Variants in ENAH observed in about 807,000 individuals in gnomAD.
The protein encoded by ENAH is ENAH actin regulator.
Under a neutral mutation model 78.7 loss-of-function variants are expected in ENAH, and 23 were observed. That is an observed-to-expected ratio of 0.29 (90% CI 0.21 to 0.41). ENAH has a LOEUF of 0.41. Ranked by LOEUF, ENAH falls within the 10% of genes least tolerant of loss-of-function variation. The probability of loss-of-function intolerance (pLI) is 1.00; values close to 1 mark genes in which losing one functional copy is unlikely to be tolerated. For synonymous variants in ENAH, 226 were observed against 241.0 expected (o/e 0.94, Z 0.58); for missense variants, 544 against 691.0 (o/e 0.79, Z 2.39).
intron 3 of ENAH, chr1:225,531,089 A>G (rs1004001162): frequency 5.0e-6 from 2 of 398,778 alleles, no homozygotes; most frequent in Admixed American, 8.8e-5. Flanking sequence ...GAGAGAGAGC[A>G]TGAGAACCTT....
At chr1:225,555,963 A>G (rs184179068) in intron 2 of ENAH, among the ~76,000 whole-genome samples, 109 of 152,322 alleles carry the variant, frequency 7.2e-4, no homozygotes, top group African/African-American at 2.5e-3. Flanking sequence ...TTTTATATAA[A>G]TGGAGTTATA....
Position 225,513,022 on chromosome 1 carries a change from T to C in ENAH, c.1219-6A>G. On this transcript the variant is annotated splice_region_variant and splice_polypyrimidine_tract_variant and intron_variant, in intron 7 of 13. Transcript: ENST00000366843. ...GGGAAAGAGGTATCCTCCATCTTAA[T>C]GAGAATATACAGACATAATCAACTC... 1 of 1,610,764 alleles carries C rather than the reference T, an allele frequency of 6.2e-7. No individual in the cohort carries two copies. The highest frequency in any genetic ancestry group is 8.5e-7 in the Non-Finnish European group (1 of 1,178,688).
Position 225,526,082 on chromosome 1 carries a change from C to T in ENAH, c.434+4472G>A, listed in dbSNP as rs146035776. Among the ~76,000 whole-genome samples the T allele has an allele frequency of 3.4e-3, 522 of 152,220 alleles. 2 individuals are homozygous for T. Among genetic ancestry groups the T allele is most frequent in the Middle Eastern group, 6.8e-3 (2 of 294 alleles). On this transcript the variant is annotated intron_variant, in intron 4 of 13. Transcript: ENST00000366843. ...GATGGCCCTTCCCAGAAAAAGTTTGCGGACCTTTGATCTAGACGATCAATG... is the reference window on the plus strand; with the variant it reads ...GATGGCCCTTCCCAGAAAAAGTTTGTGGACCTTTGATCTAGACGATCAATG...
chr1:225,614,809 A>G lies in ENAH; in HGVS notation c.5+37877T>C, dbSNP rs552088804. Reference sequence around the variant, plus strand: ...AACCAGGAACAGAGACCAAATATGTATTTCTTATTATATTACAATACCACA... The same window carrying G: ...AACCAGGAACAGAGACCAAATATGTGTTTCTTATTATATTACAATACCACA... On this transcript the variant is annotated intron_variant, in intron 1 of 13. Transcript: ENST00000366843. 6.6e-5 allele frequency among the ~76,000 whole-genome samples: 10 copies of G among 152,298 alleles called. No homozygotes were observed. The South Asian group carries it at 2.1e-3, about 32-fold the overall frequency.
intron 1 of ENAH, among the ~76,000 whole-genome samples, chr1:225,594,682 A>G (rs1172438233): frequency 6.6e-6 from 1 of 152,250 alleles, no homozygotes; most frequent in Non-Finnish European, 1.5e-5. Context: ...ATGTCAAATT[A>G]GTAAATGGAA....
At chr1:225,606,260 G>A (rs936730577) in intron 1 of ENAH, among the ~76,000 whole-genome samples, 1 of 151,910 alleles carries the variant, frequency 6.6e-6, no homozygotes, top group African/African-American at 2.4e-5. Context: ...TCAGGAGTTC[G>A]AGACCAGCCT....
intron 1 of ENAH, among the ~76,000 whole-genome samples, chr1:225,628,299 A>C (rs1658319689): frequency 6.6e-6 from 1 of 152,218 alleles, no homozygotes; most frequent in African/African-American, 2.4e-5. Context: ...AGAGCTTTTA[A>C]AATCGTTTCT....
intron 5 of ENAH, 119 bp from the exon 6 acceptor site, chr1:225,517,425 A>T (rs1161400454): frequency 2.6e-5 from 41 of 1,551,620 alleles, no homozygotes; most frequent in Non-Finnish European, 3.6e-5. Context: ...AAGGCAGTGG[A>T]GGCGGCGGCG....
At chr1:225,625,471 C>A (rs552524841) in intron 1 of ENAH, among the ~76,000 whole-genome samples, 1 of 152,306 alleles carries the variant, frequency 6.6e-6, no homozygotes, top group African/African-American at 2.4e-5. Flanking sequence ...TCCACAAACT[C>A]TATGGTCCTG....
At chr1:225,519,608 ACT>A (rs771068852) in intron 4 of ENAH, 43 bp from the exon 5 acceptor site, 4 of 1,566,286 alleles carry the variant, frequency 2.6e-6, no homozygotes, top group East Asian at 4.5e-5. Context: ...ATCTATGGCT[ACT>A]CATCATGAAA....
At position 225,514,741 on chromosome 1, in the gene ENAH, T is replaced by A; in HGVS notation, c.1073A>T (p.Asn358Ile). 1 of 1,086,030 alleles carries A rather than the reference T, an allele frequency of 9.2e-7. No homozygotes were observed. The highest frequency in any genetic ancestry group is 1.3e-6 in the Non-Finnish European group (1 of 798,906). The allele number at this position is 1,086,030 out of a possible 1,614,324, so 67.3% of individuals were successfully genotyped here. A position where few individuals can be genotyped will look rare whatever the true frequency, so the allele number is the denominator to read the frequency against. ...TGGTGGAGGAGGAGGGGGTACTTGATTAGGGAGAGGAGGGGGAGGAGGGGG... is the reference window on the plus strand; with the variant it reads ...TGGTGGAGGAGGAGGGGGTACTTGAATAGGGAGAGGAGGGGGAGGAGGGGG... Reference protein sequence around the residue: ...PPPPPPPPLPNQVPPPPPPPP... With the variant: ...PPPPPPPPLPIQVPPPPPPPP... The change falls in exon 7 of 14, where the codon AAT (asparagine) becomes ATT (isoleucine). Residue 358 changes from asparagine to isoleucine, a missense_variant. By Grantham distance (149) the Asn-to-Ile change is moderately radical. Around this residue, in one of 4 missense-constraint regions of ENAH, gnomAD observed 366 missense variants for 396.1 expected, o/e 0.92. Coordinates refer to ENST00000366843, the MANE Select transcript of ENAH (RefSeq NM_018212.6).
At chr1:225,570,162 C>T (rs1264972039) in intron 1 of ENAH, among the ~76,000 whole-genome samples, 1 of 139,994 alleles carries the variant, frequency 7.1e-6, no homozygotes, top group Non-Finnish European at 1.6e-5. Context: ...CAGAGCAATG[C>T]TCCATCTCAA....
chr1:225,612,605 A>G (rs1406774010), intron 1 of ENAH, among the ~76,000 whole-genome samples: 1 of 152,196 alleles, frequency 6.6e-6, no homozygotes, highest in Admixed American at 6.5e-5. Flanking sequence ...GCATTTTCCC[A>G]CAGCAAAAAA....
chr1:225,503,658 CAAAAAAA>C (rs10683254), intron 11 of ENAH, among the ~76,000 whole-genome samples: 3 of 82,948 alleles, frequency 3.6e-5, no homozygotes, highest in Admixed American at 1.5e-4. Flanking sequence ...CAAACCACCT[CAAAAAAA>C]AAAAAAAAAA....
At chr1:225,527,143 AC>A (rs1388627143) in intron 4 of ENAH, among the ~76,000 whole-genome samples, 1 of 152,098 alleles carries the variant, frequency 6.6e-6, no homozygotes, top group Non-Finnish European at 1.5e-5. Flanking sequence ...TTGGCACCTC[AC>A]CCACATCCTC....
At chr1:225,603,294 TTAAC>T (rs529636783) in intron 1 of ENAH, among the ~76,000 whole-genome samples, 236 of 152,242 alleles carry the variant, frequency 1.6e-3, no homozygotes, top group Non-Finnish European at 2.9e-3. Context: ...GCTCAAAAGT[TTAAC>T]TACACCGATG....
chr1:225,550,350 G>A (rs553520476), intron 3 of ENAH, among the ~76,000 whole-genome samples: 2 of 152,290 alleles, frequency 1.3e-5, no homozygotes, highest in East Asian at 1.9e-4. Context: ...GCTGTAGCCC[G>A]ACTGTGACAT....
chr1:225,530,289 C>G lies in ENAH; in HGVS notation c.434+265G>C, dbSNP rs1371212748. Among the ~76,000 whole-genome samples the G allele has an allele frequency of 3.3e-5, 5 of 152,054 alleles. No homozygotes were observed. In the East Asian group the frequency reaches 7.7e-4, roughly 23 times the overall value. ...TTGAACCATAAGAAGATTTTGAATT[C>G]TGTTAAGCGTATTTACAATATTTTA... On this transcript the variant is annotated intron_variant, in intron 4 of 13. Transcript: ENST00000366843.
At chr1:225,615,677 C>T (rs1168936390) in intron 1 of ENAH, among the ~76,000 whole-genome samples, 4 of 150,462 alleles carry the variant, frequency 2.7e-5, no homozygotes, top group Non-Finnish European at 5.9e-5. Context: ...ATGTGAGGAG[C>T]GCCTCTGCCC....
Sources: allele counts gnomAD v4.1 joint callset (sites outside exome capture counted in the v4.1 genomes callset), GRCh38; gene constraint gnomAD v4.1.1; regional missense constraint gnomAD v4.1.1; transcripts MANE v1.5; gene names NCBI Gene and HGNC (gene_info 2026-07-23, HGNC 2026-07-21).